Variants in ISM1 observed in about 807,000 individuals in gnomAD.
The protein encoded by ISM1 is isthmin 1, also known as isthmin-1.
A neutral mutation model predicts 46.3 loss-of-function variants in ISM1; 25 were observed. The observed-to-expected ratio is 0.54, with a 90% CI of 0.39 to 0.75. ISM1 has a LOEUF of 0.75. Ranked by LOEUF, ISM1 falls within the 30% of genes least tolerant of loss-of-function variation. The probability of loss-of-function intolerance (pLI) is 0.00; values close to 1 mark genes in which losing one functional copy is unlikely to be tolerated. For missense variants in ISM1, 536 were observed against 625.4 expected (o/e 0.86, Z 1.52); for synonymous variants, 255 against 256.7 (o/e 0.99, Z 0.06).
chr20:13,236,030 G>A (rs924951938), intron 1 of ISM1, among the ~76,000 whole-genome samples: 1 of 151,702 alleles, frequency 6.6e-6, no homozygotes, highest in African/African-American at 2.4e-5. Context: ...GTTCAAGCAA[G>A]TCTACTGCCT....
intron 3 of ISM1, among the ~76,000 whole-genome samples, chr20:13,286,370 G>A (rs1217103468): frequency 6.6e-6 from 1 of 152,080 alleles, no homozygotes; most frequent in African/African-American, 2.4e-5. Context: ...CCATCCAGAA[G>A]CAACTTGTTT....
chr20:13,257,308 A>G (rs535810439), intron 1 of ISM1, among the ~76,000 whole-genome samples: 2 of 152,266 alleles, frequency 1.3e-5, no homozygotes, highest in South Asian at 4.2e-4. Context: ...TGAGGTCAGG[A>G]GTTTGAGACC....
chr20:13,296,674 A>G (rs929319468), intron 5 of ISM1, among the ~76,000 whole-genome samples: 28 of 152,174 alleles, frequency 1.8e-4, no homozygotes, highest in African/African-American at 6.8e-4. Flanking sequence ...AGGGTGGGCC[A>G]AAGTCCAGGG....
intron 1 of ISM1, among the ~76,000 whole-genome samples, chr20:13,242,933 T>C (rs2039745040): frequency 6.6e-6 from 1 of 152,250 alleles, no homozygotes; most frequent in Non-Finnish European, 1.5e-5. Context: ...ATTTGATTAA[T>C]ATTGACTTAT....
the ISM1 span, among the ~76,000 whole-genome samples, chr20:13,320,235 A>C: frequency 1.3e-5 from 2 of 152,182 alleles, no homozygotes; most frequent in Non-Finnish European, 2.9e-5. Flanking sequence ...TATTCATGGA[A>C]TAGGTGGTAG....
downstream of ISM1, among the ~76,000 whole-genome samples, chr20:13,301,424 A>C (rs373364965): frequency 7.2e-5 from 11 of 152,286 alleles, no homozygotes; most frequent in South Asian, 1.0e-3. Context: ...CCTGGCCTCA[A>C]GTGTTCTGCC....
intron 5 of ISM1, among the ~76,000 whole-genome samples, chr20:13,298,364 C>T (rs1451455532): frequency 6.6e-6 from 1 of 152,198 alleles, no homozygotes; most frequent in Non-Finnish European, 1.5e-5. Flanking sequence ...GATCCGCCCG[C>T]CTCAGCCTCC....
chr20:13,284,870 G>A (rs77161695), intron 3 of ISM1, among the ~76,000 whole-genome samples: 2,283 of 152,302 alleles, frequency 0.015, 29 homozygotes, highest in Non-Finnish European at 0.022. Context: ...ATAAAGATGT[G>A]GAGAAAGCCA....
At chr20:13,233,024 C>CA (rs35520629) in intron 1 of ISM1, among the ~76,000 whole-genome samples, 34,959 of 142,104 alleles carry the variant, frequency 0.25, 4,035 homozygotes, top group South Asian at 0.3. Flanking sequence ...GATGCTGGAC[C>CA]AAAAAAAAAA....
At chr20:13,238,789 A>G (rs1484353771) in intron 1 of ISM1, among the ~76,000 whole-genome samples, 1 of 152,218 alleles carries the variant, frequency 6.6e-6, no homozygotes, top group African/African-American at 2.4e-5. Context: ...TAATCCTTTC[A>G]GGTTCACTCA....
At chr20:13,232,450 C>T (rs1321815054) in intron 1 of ISM1, among the ~76,000 whole-genome samples, 1 of 152,182 alleles carries the variant, frequency 6.6e-6, no homozygotes, top group Non-Finnish European at 1.5e-5. Context: ...GAGATTCATT[C>T]ATGTTGTTCT....
chr20:13,230,392 T>C (rs2039575563), intron 1 of ISM1, among the ~76,000 whole-genome samples: 1 of 152,210 alleles, frequency 6.6e-6, no homozygotes, highest in Non-Finnish European at 1.5e-5. Context: ...ATAGTTCCTT[T>C]GTCGTCTCCA....
At chr20:13,287,167 T>C (rs1035018898) in intron 3 of ISM1, among the ~76,000 whole-genome samples, 3 of 152,106 alleles carry the variant, frequency 2.0e-5, no homozygotes, top group African/African-American at 7.2e-5. Context: ...CGAGACTGGG[T>C]AATTTATAAA....
intron 3 of ISM1, 96 bp from the exon 4 acceptor site, chr20:13,288,444 A>T (rs2040316429): frequency 1.5e-6 from 2 of 1,312,650 alleles, no homozygotes; most frequent in Non-Finnish European, 2.1e-6. Context: ...TCCCACAGCG[A>T]GAAGGATAGA....
chr20:13,305,955 G>A, the ISM1 span, among the ~76,000 whole-genome samples: 2 of 152,156 alleles, frequency 1.3e-5, no homozygotes, highest in Admixed American at 1.3e-4. Flanking sequence ...AATGAGTGGG[G>A]CACTGGATTG....
chr20:13,234,179 A>G (rs1476338834), intron 1 of ISM1, among the ~76,000 whole-genome samples: 1 of 152,032 alleles, frequency 6.6e-6, no homozygotes, highest in African/African-American at 2.4e-5. Flanking sequence ...GTGTATGCCC[A>G]TTGTTTAGCC....
At chr20:13,295,895 T>G (rs2040402306) in intron 5 of ISM1, among the ~76,000 whole-genome samples, 1 of 152,146 alleles carries the variant, frequency 6.6e-6, no homozygotes, top group Admixed American at 6.5e-5. Context: ...CAGCAAAGCA[T>G]CCACAGCAGG....
At chr20:13,289,029 G>A (rs1263829297) in intron 4 of ISM1, among the ~76,000 whole-genome samples, 5 of 152,136 alleles carry the variant, frequency 3.3e-5, no homozygotes, top group Admixed American at 2.6e-4. Context: ...CTTGTGATCC[G>A]CCCGCCTCAG....
chr20:13,264,142 G>A (rs2040018615), intron 1 of ISM1, among the ~76,000 whole-genome samples: 1 of 152,208 alleles, frequency 6.6e-6, no homozygotes, highest in African/African-American at 2.4e-5. Flanking sequence ...ACTGGGGGAA[G>A]GAGGAGGGAG....
Sources: allele counts gnomAD v4.1 joint callset (sites outside exome capture counted in the v4.1 genomes callset), GRCh38; gene constraint gnomAD v4.1.1; transcripts MANE v1.5; gene names NCBI Gene and HGNC (gene_info 2026-07-23, HGNC 2026-07-21).